The following EXPH5 variants were observed in gnomAD, a reference collection of about 807,000 sequenced individuals.
The protein encoded by EXPH5 is exophilin 5, also known as exophilin-5.
Under a neutral mutation model 41.1 loss-of-function variants are expected in EXPH5, and 42 were observed. The observed-to-expected ratio is 1.02, with a 90% CI of 0.80 to 1.32. The LOEUF (loss-of-function observed/expected upper bound fraction) is 1.32. EXPH5 is among the 40% of genes most tolerant of loss of function. The pLI is 0.00. For synonymous variants in EXPH5, 798 were observed against 833.5 expected (o/e 0.96, Z 0.73); for missense variants, 2,298 against 2,314.5 (o/e 0.99, Z 0.15).
At position 108,509,616 on chromosome 11, in the gene EXPH5, A is replaced by G; in HGVS notation, c.5891T>C (p.Val1964Ala). The G allele has an allele frequency of 6.2e-7, 1 of 1,610,590 alleles. No homozygotes were observed. Among genetic ancestry groups the G allele is most frequent in the Non-Finnish European group, 8.5e-7 (1 of 1,178,880 alleles). Reference protein sequence around the residue: ...EPLNIYEDDPVDSDCDTDTTT... With the variant: ...EPLNIYEDDPADSDCDTDTTT... ...TGTGTCTGTGTCACAATCTGAGTCC[A>G]CTGGGTCATCCTCATAGATATTAAG... is the stretch of plus-strand genomic sequence containing the variant. The change falls in exon 6 of 6, where the codon GTG becomes GCG. Residue 1964 changes from valine (V) to alanine (A), a missense_variant. Transcript: ENST00000265843.
Position 108,514,519 on chromosome 11 carries a change from C to T in EXPH5, c.988G>A (p.Ala330Thr), listed in dbSNP as rs533686338. The T allele has an allele frequency of 1.2e-6, 2 of 1,612,446 alleles. No individual in the cohort carries two copies. Among genetic ancestry groups the T allele is most frequent in the South Asian group, 2.2e-5 (2 of 90,708 alleles). Reference protein sequence around the residue: ...SLCFDSRQRSALPATGHFTAR... With the variant: ...SLCFDSRQRSTLPATGHFTAR... Reference sequence around the variant, plus strand: ...GTGAAATGCCCTGTGGCTGGTAAGGCCGACCGTTGCCTGCTGTCAAAACAC... The same window carrying T: ...GTGAAATGCCCTGTGGCTGGTAAGGTCGACCGTTGCCTGCTGTCAAAACAC... Residue 330 changes from alanine to threonine, a missense_variant, in exon 6 of 6, where the codon GCC becomes ACC. Physicochemically the swap from Ala to Thr is moderately conservative, Grantham distance 58. Coordinates refer to ENST00000265843, the MANE Select transcript of EXPH5 (RefSeq NM_015065.3).
At chr11:108,583,525 T>G (rs1298663197) in intron 1 of EXPH5, among the ~76,000 whole-genome samples, 1 of 151,062 alleles carries the variant, frequency 6.6e-6, no homozygotes, top group African/African-American at 2.4e-5. Context: ...TAGAACCAGA[T>G]AAAAGTCATC....
At chr11:108,536,328 G>T (rs1416062194) in intron 3 of EXPH5, among the ~76,000 whole-genome samples, 2 of 151,392 alleles carry the variant, frequency 1.3e-5, no homozygotes, top group Non-Finnish European at 1.5e-5. Flanking sequence ...CCAGGCTGGA[G>T]TGCAGCGGCT....
At chr11:108,596,586 G>C (rs545905273), upstream of EXPH5, among the ~76,000 whole-genome samples, 1 of 152,176 alleles carries the variant, frequency 6.6e-6, no homozygotes, top group African/African-American at 2.4e-5. Flanking sequence ...AGAAATGTGG[G>C]ACTCAAGTTC....
chr11:108,554,657 C>T (rs1239232800), intron 1 of EXPH5, among the ~76,000 whole-genome samples: 2 of 152,074 alleles, frequency 1.3e-5, no homozygotes, highest in Non-Finnish European at 2.9e-5. Context: ...CACAGTGGCT[C>T]GGGCCTGTAA....
At chr11:108,520,386 G>A (rs1235327210) in intron 4 of EXPH5, among the ~76,000 whole-genome samples, 1 of 151,966 alleles carries the variant, frequency 6.6e-6, no homozygotes, top group Non-Finnish European at 1.5e-5. Flanking sequence ...TAGAATGGTA[G>A]AACCCCTCAG....
chr11:108,605,145 G>C, the EXPH5 span, among the ~76,000 whole-genome samples: 1 of 152,114 alleles, frequency 6.6e-6, no homozygotes, highest in Admixed American at 6.6e-5. Context: ...AGGTGGAAAC[G>C]GGTTGTGATG....
intron 1 of EXPH5, among the ~76,000 whole-genome samples, chr11:108,550,966 GA>G (rs1238414584): frequency 5.3e-5 from 8 of 152,164 alleles, no homozygotes; most frequent in African/African-American, 1.9e-4. Flanking sequence ...TTATAAAGCC[GA>G]AAGAGGTCTC....
intron 3 of EXPH5, among the ~76,000 whole-genome samples, chr11:108,534,591 A>ATTT (rs2093867014): frequency 6.6e-6 from 1 of 152,150 alleles, no homozygotes; most frequent in Admixed American, 6.5e-5. Context: ...TGCCTGGCTT[A>ATTT]GTCTTATTTG....
At chr11:108,583,144 A>T (rs193127746) in intron 1 of EXPH5, among the ~76,000 whole-genome samples, 106 of 152,222 alleles carry the variant, frequency 7.0e-4, no homozygotes, top group Non-Finnish European at 1.0e-3. Flanking sequence ...GCACTTTGGG[A>T]GGCCAAGGTG....
At chr11:108,592,432 A>T (rs1276424145) in intron 1 of EXPH5, among the ~76,000 whole-genome samples, 1 of 152,244 alleles carries the variant, frequency 6.6e-6, no homozygotes, top group Non-Finnish European at 1.5e-5. Context: ...AACTCGCATT[A>T]GCAAGCAGTT....
intron 1 of EXPH5, among the ~76,000 whole-genome samples, chr11:108,557,992 G>A (rs768536193): frequency 3.3e-5 from 5 of 151,888 alleles, no homozygotes; most frequent in Non-Finnish European, 7.4e-5. Context: ...ACCCAGGCTG[G>A]GGTGCAGTGG....
At chr11:108,526,521 T>C (rs1345688392) in intron 4 of EXPH5, among the ~76,000 whole-genome samples, 1 of 152,222 alleles carries the variant, frequency 6.6e-6, no homozygotes, top group African/African-American at 2.4e-5. Context: ...GTCTGAATAC[T>C]TCCCCTAGGA....
the EXPH5 span, among the ~76,000 whole-genome samples, chr11:108,604,848 G>T: frequency 6.6e-6 from 1 of 152,120 alleles, no homozygotes. Flanking sequence ...TAGGTTAAAG[G>T]GGAAAGGAAC....
At chr11:108,571,088 G>A (rs576016236) in intron 1 of EXPH5, among the ~76,000 whole-genome samples, 1 of 152,284 alleles carries the variant, frequency 6.6e-6, no homozygotes, top group African/African-American at 2.4e-5. Flanking sequence ...GCCTCAGCTC[G>A]GTGGAACTGG....
At chr11:108,607,107 A>G in the EXPH5 span, among the ~76,000 whole-genome samples, 2 of 152,312 alleles carry the variant, frequency 1.3e-5, no homozygotes, top group South Asian at 4.1e-4. Context: ...CATAAACATA[A>G]AAATCACTAA....
At chr11:108,583,550 G>T (rs758251915) in intron 1 of EXPH5, among the ~76,000 whole-genome samples, 1 of 151,836 alleles carries the variant, frequency 6.6e-6, no homozygotes, top group African/African-American at 2.4e-5. Flanking sequence ...GGCCGGGCAT[G>T]GTGGCTTATG....
chr11:108,559,555 C>T (rs534617480), intron 1 of EXPH5, among the ~76,000 whole-genome samples: 1 of 152,312 alleles, frequency 6.6e-6, no homozygotes, highest in Non-Finnish European at 1.5e-5. Context: ...TTTCCAAAGA[C>T]AACTACATCC....
intron 2 of EXPH5, among the ~76,000 whole-genome samples, chr11:108,540,735 A>G (rs949442293): frequency 6.6e-5 from 10 of 152,224 alleles, no homozygotes; most frequent in East Asian, 1.9e-4. Context: ...GAAGTCATTC[A>G]TGGAGTTTAC....
Sources: allele counts gnomAD v4.1 joint callset (sites outside exome capture counted in the v4.1 genomes callset), GRCh38; gene constraint gnomAD v4.1.1; transcripts MANE v1.5; gene names NCBI Gene and HGNC (gene_info 2026-07-23, HGNC 2026-07-21).